Variants in LOXHD1 observed in about 807,000 individuals in gnomAD.
LOXHD1 encodes lipoxygenase homology PLAT domains 1.
LOXHD1 carries 205 observed loss-of-function variants against 248.2 expected under a neutral mutation model. The ratio of observed to expected loss-of-function variants is 0.83; its 90% CI spans 0.74 to 0.93. The LOEUF is 0.93. Among genes scored for constraint, LOXHD1 ranks in the 40% least tolerant of loss-of-function variants. The pLI, the probability that LOXHD1 is intolerant of heterozygous loss-of-function variation, is 0.00. For missense variants in LOXHD1, 2,930 were observed against 2,971.6 expected (o/e 0.99, Z 0.33); for synonymous variants, 1,113 against 1,162.8 (o/e 0.96, Z 0.87).
intron 12 of LOXHD1, among the ~76,000 whole-genome samples, chr18:46,580,646 A>C (rs1568198938): frequency 6.6e-6 from 1 of 152,266 alleles, no homozygotes; most frequent in Non-Finnish European, 1.5e-5. Flanking sequence ...AAAAGTAGAG[A>C]GGAGCAATGC....
At chr18:46,529,068 A>C (rs1447256383) in intron 29 of LOXHD1, 109 bp downstream of exon 29, 2 of 1,351,142 alleles carry the variant, frequency 1.5e-6, no homozygotes, top group Non-Finnish European at 2.0e-6. Flanking sequence ...GAGTGTGCAC[A>C]ATGCCCCATG....
chr18:46,506,643 G>A (rs1455263077), intron 36 of LOXHD1, among the ~76,000 whole-genome samples: 2 of 152,176 alleles, frequency 1.3e-5, no homozygotes, highest in Non-Finnish European at 1.5e-5. Context: ...TTAAGCAATA[G>A]GGGTAAAAGT....
Position 46,477,367 on chromosome 18 carries a change from C to A in LOXHD1, c.*105G>T, listed in dbSNP as rs1452923528. ...ATGAAGTTCTCAGTGGACTGCTAGC[C>A]CCCAGTGCCAATGCTAGAGGCTTTG... is the stretch of plus-strand genomic sequence containing the variant. On this transcript the variant is annotated 3_prime_UTR_variant, in exon 41 of 41. Coordinates refer to ENST00000642948, the MANE Select transcript of LOXHD1 (RefSeq NM_001384474.1). The A allele has an allele frequency of 3.4e-6, 5 of 1,479,190 alleles. No homozygotes were observed. Among genetic ancestry groups the A allele is most frequent in the Non-Finnish European group, 2.8e-6 (3 of 1,090,110 alleles). 91.6% of individuals were successfully genotyped at this position (1,479,190 alleles called of 1,614,324 possible).
At chr18:46,624,937 T>G (rs2038719736) in intron 4 of LOXHD1, among the ~76,000 whole-genome samples, 2 of 152,236 alleles carry the variant, frequency 1.3e-5, no homozygotes, top group Admixed American at 1.3e-4. Flanking sequence ...TAAGTGCCTC[T>G]GATCCTCCGA....
At chr18:46,545,949 T>G (rs1278608356) in intron 22 of LOXHD1, among the ~76,000 whole-genome samples, 3 of 152,140 alleles carry the variant, frequency 2.0e-5, no homozygotes, top group Admixed American at 1.3e-4. Context: ...AGAATCATTT[T>G]TTTTTTCAGC....
chr18:46,597,178 C>T (rs328140), intron 8 of LOXHD1, among the ~76,000 whole-genome samples: 115,919 of 152,040 alleles, frequency 0.76, 45,352 homozygotes, highest in Non-Finnish European at 0.86. Context: ...GGTCCTTGCA[C>T]TTGCCAAAAA....
chr18:46,520,233 C>T (rs974939314), intron 33 of LOXHD1: 6 of 466,686 alleles, frequency 1.3e-5, no homozygotes, highest in Admixed American at 4.7e-5. Flanking sequence ...GTTTTTAGAG[C>T]CCCACTTCTG....
chr18:46,511,695 A>G (rs2034972182), intron 34 of LOXHD1, among the ~76,000 whole-genome samples: 1 of 152,190 alleles, frequency 6.6e-6, no homozygotes, highest in Admixed American at 6.5e-5. Context: ...GGACCCTGGG[A>G]GAGGGCTGGC....
At chr18:46,562,953 G>C in intron 18 of LOXHD1, 112 bp downstream of exon 18, 1 of 1,278,630 alleles carries the variant, frequency 7.8e-7, no homozygotes, top group Non-Finnish European at 1.1e-6. Flanking sequence ...CAACTGGAGG[G>C]AGGCAGCCCA....
intron 23 of LOXHD1, among the ~76,000 whole-genome samples, chr18:46,543,321 C>T (rs770281356): frequency 2.6e-5 from 4 of 152,174 alleles, no homozygotes; most frequent in Non-Finnish European, 5.9e-5. Flanking sequence ...GCTCCAGCTC[C>T]ATCTAAATTG....
intron 5 of LOXHD1, 85 bp downstream of exon 5, chr18:46,618,107 G>T: frequency 1.0e-6 from 1 of 993,020 alleles, no homozygotes; most frequent in Non-Finnish European, 1.5e-6. Flanking sequence ...GGCTCAAGCT[G>T]CCTTCCTCTG....
intron 18 of LOXHD1, among the ~76,000 whole-genome samples, chr18:46,560,852 A>G (rs1191702675): frequency 2.6e-5 from 4 of 151,374 alleles, no homozygotes; most frequent in Non-Finnish European, 4.4e-5. Flanking sequence ...ACACACACGC[A>G]CGCGCGCGCG....
At chr18:46,606,341 TACACACAC>T (rs139309417) in intron 6 of LOXHD1, among the ~76,000 whole-genome samples, 1 of 150,448 alleles carries the variant, frequency 6.6e-6, no homozygotes, top group African/African-American at 2.4e-5. Context: ...TGTATATATA[TACACACAC>T]ACACACACAC....
intron 21 of LOXHD1, chr18:46,555,368 G>T (rs2037281002): frequency 5.9e-6 from 2 of 340,588 alleles, no homozygotes; most frequent in African/African-American, 2.1e-5. Flanking sequence ...CAGGACCCTG[G>T]TTCCCAGCCA....
intron 5 of LOXHD1, among the ~76,000 whole-genome samples, chr18:46,615,503 C>A (rs1192141892): frequency 1.3e-5 from 2 of 152,114 alleles, no homozygotes; most frequent in Non-Finnish European, 2.9e-5. Flanking sequence ...TAGACATATG[C>A]TTTTTAATTT....
intron 23 of LOXHD1, among the ~76,000 whole-genome samples, 166 bp from the exon 24 acceptor site, chr18:46,543,021 TA>T (rs2036632016): frequency 6.6e-6 from 1 of 152,240 alleles, no homozygotes; most frequent in Non-Finnish European, 1.5e-5. Context: ...GTGGGCATTT[TA>T]AAAAATTTTT....
At chr18:46,587,641 A>G (rs572620424) in intron 12 of LOXHD1, among the ~76,000 whole-genome samples, 18 of 152,360 alleles carry the variant, frequency 1.2e-4, no homozygotes, top group Admixed American at 7.2e-4. Context: ...GGGTAAGTAC[A>G]GAGCCTCTTT....
At chr18:46,591,557 G>T (rs2038168555) in intron 12 of LOXHD1, among the ~76,000 whole-genome samples, 1 of 152,234 alleles carries the variant, frequency 6.6e-6, no homozygotes, top group Non-Finnish European at 1.5e-5. Context: ...GGGGCTACAG[G>T]ATCCCAGATC....
chr18:46,482,602 A>G (rs1466186701), intron 40 of LOXHD1, among the ~76,000 whole-genome samples: 1 of 152,176 alleles, frequency 6.6e-6, no homozygotes, highest in East Asian at 1.9e-4. Context: ...ATTCCCAAGG[A>G]GTTGCTTGGT....
Sources: allele counts gnomAD v4.1 joint callset (sites outside exome capture counted in the v4.1 genomes callset), GRCh38; gene constraint gnomAD v4.1.1; transcripts MANE v1.5; gene names NCBI Gene and HGNC (gene_info 2026-07-23, HGNC 2026-07-21).